The following MAST2 variants were observed in gnomAD, a reference collection of about 807,000 sequenced individuals.
MAST2 encodes microtubule-associated serine/threonine-protein kinase 2.
A neutral mutation model predicts 147.4 loss-of-function variants in MAST2; 70 were observed. That is an observed-to-expected ratio of 0.47 (90% CI 0.39 to 0.58). MAST2 has a LOEUF of 0.58. Among genes scored for constraint, MAST2 ranks in the 20% least tolerant of loss-of-function variants. The probability of loss-of-function intolerance (pLI) is 0.00; values close to 1 mark genes in which losing one functional copy is unlikely to be tolerated. For synonymous variants in MAST2, 869 were observed against 896.8 expected, an observed-to-expected ratio of 0.97 and a Z score of 0.55; for missense variants, 2,080 against 2,302.3, an observed-to-expected ratio of 0.90 and a Z score of 1.98.
At chr1:45,927,261 G>A (rs1303545163) in intron 4 of MAST2, among the ~76,000 whole-genome samples, 2 of 152,144 alleles carry the variant, frequency 1.3e-5, no homozygotes, top group African/African-American at 2.4e-5. Flanking sequence ...GAAATTTCGG[G>A]CACTATTGTC....
intron 5 of MAST2, among the ~76,000 whole-genome samples, chr1:45,974,182 A>G (rs1039274601): frequency 5.9e-5 from 9 of 152,184 alleles, no homozygotes; most frequent in African/African-American, 2.2e-4. Context: ...GTAAATAAGC[A>G]GTAGGTTAGC....
intron 1 of MAST2, among the ~76,000 whole-genome samples, chr1:45,808,972 A>G (rs1557790464): frequency 6.6e-6 from 1 of 152,148 alleles, no homozygotes; most frequent in Non-Finnish European, 1.5e-5. Flanking sequence ...CATGGCATAC[A>G]ATATTAAAAT....
chr1:46,013,853 G>A (rs999607736), intron 10 of MAST2, among the ~76,000 whole-genome samples: 4 of 152,118 alleles, frequency 2.6e-5, no homozygotes, highest in African/African-American at 4.8e-5. Flanking sequence ...TCTCGTGTGT[G>A]TGTATATGTG....
At chr1:45,962,001 A>G (rs901735749) in intron 5 of MAST2, among the ~76,000 whole-genome samples, 7 of 149,272 alleles carry the variant, frequency 4.7e-5, no homozygotes, top group African/African-American at 1.7e-4. Context: ...GTTCCCACCT[A>G]TGAGTGAGAA....
chr1:45,963,180 T>C (rs1448088915), intron 5 of MAST2, among the ~76,000 whole-genome samples: 2 of 152,204 alleles, frequency 1.3e-5, no homozygotes, highest in Non-Finnish European at 2.9e-5. Context: ...TGTAGTATAG[T>C]TTGAAGTCAG....
chr1:45,869,854 T>A (rs1187111936), intron 3 of MAST2, among the ~76,000 whole-genome samples: 2 of 152,234 alleles, frequency 1.3e-5, no homozygotes, highest in African/African-American at 4.8e-5. Context: ...TCCACCTTTT[T>A]TTAGCTCTCT....
intron 2 of MAST2, 46 bp from the exon 3 acceptor site, chr1:45,829,393 A>T (rs1264460916): frequency 4.6e-6 from 7 of 1,538,208 alleles, no homozygotes; most frequent in South Asian, 2.4e-5. Context: ...TCATTTGTTT[A>T]TCAATAAATA....
Position 45,811,485 on chromosome 1 carries a change from C to CCCA in MAST2, c.177+7421_177+7423dup, listed in dbSNP as rs1644297970. On this transcript the variant is annotated intron_variant, in intron 1 of 28. Coordinates refer to ENST00000361297, the MANE Select transcript of MAST2 (RefSeq NM_015112.3). ...TCTGGAGTAGCTGGGACTACAGGCG[C>CCCA]CCACCACCACGCTCGGCTAATTTTT... Among the ~76,000 whole-genome samples the CCCA allele has an allele frequency of 2.6e-5, 4 of 151,204 alleles. No individual in the cohort carries two copies. The South Asian group carries it at 8.3e-4, about 32-fold the overall frequency.
intron 10 of MAST2, among the ~76,000 whole-genome samples, chr1:46,017,163 T>C (rs9429176): frequency 0.66 from 100,427 of 151,962 alleles, 33,570 homozygotes; most frequent in Non-Finnish European, 0.71. Context: ...ACACCTTATA[T>C]AAAAATTAAT....
At chr1:45,907,532 A>G (rs1442207593) in intron 4 of MAST2, among the ~76,000 whole-genome samples, 1 of 148,858 alleles carries the variant, frequency 6.7e-6, no homozygotes, top group Non-Finnish European at 1.5e-5. Flanking sequence ...ATCTCAGCTC[A>G]CTGCAGCCTC....
At chr1:45,866,130 A>G (rs960246502) in intron 3 of MAST2, among the ~76,000 whole-genome samples, 4 of 152,364 alleles carry the variant, frequency 2.6e-5, no homozygotes, top group Admixed American at 1.3e-4. Context: ...AACTTAAAAT[A>G]TAAATTTAAA....
chr1:45,815,944 T>A (rs1015800196), intron 1 of MAST2, among the ~76,000 whole-genome samples: 1 of 152,200 alleles, frequency 6.6e-6, no homozygotes, highest in East Asian at 1.9e-4. Flanking sequence ...AACTAGTCCC[T>A]GCCACAGGAC....
intron 4 of MAST2, among the ~76,000 whole-genome samples, chr1:45,928,795 G>A (rs1020368599): frequency 1.3e-5 from 2 of 151,668 alleles, no homozygotes; most frequent in African/African-American, 4.8e-5. Context: ...TGCCCAGGCT[G>A]TACTGCAAAG....
chr1:45,901,598 A>G lies in MAST2; in HGVS notation c.500+19203A>G, dbSNP rs376570344. Among the ~76,000 whole-genome samples the G allele has an allele frequency of 6.6e-5, 10 of 152,130 alleles. No individual in the cohort carries two copies. The East Asian group carries it at 1.5e-3, about 23-fold the overall frequency. Reference sequence around the variant, plus strand: ...CAGTGTAGTCATTTTCACGATATTGATTCTTCCTATCCATGATCATAGGAT... The same window carrying G: ...CAGTGTAGTCATTTTCACGATATTGGTTCTTCCTATCCATGATCATAGGAT... On this transcript the variant is annotated intron_variant, in intron 4 of 28. Coordinates refer to ENST00000361297, the MANE Select transcript of MAST2 (RefSeq NM_015112.3).
intron 5 of MAST2, 27 bp from the exon 6 acceptor site, chr1:45,997,695 CAG>C (rs1168640178): frequency 8.2e-6 from 13 of 1,581,978 alleles, no homozygotes; most frequent in South Asian, 1.1e-5. Flanking sequence ...GCAAACCTCA[CAG>C]AGTTTTGTTT....
intron 3 of MAST2, among the ~76,000 whole-genome samples, chr1:45,861,432 ATC>A (rs1645978424): frequency 6.8e-6 from 1 of 147,728 alleles, no homozygotes; most frequent in African/African-American, 2.5e-5. Flanking sequence ...TTTTTTACTC[ATC>A]TCAAATTTGG....
intron 16 of MAST2, among the ~76,000 whole-genome samples, chr1:46,027,156 A>G (rs1646447581): frequency 1.3e-5 from 2 of 152,170 alleles, no homozygotes; most frequent in Admixed American, 6.5e-5. Context: ...AGCCAGAGGT[A>G]CTATTTGGGG....
chr1:45,933,289 T>A (rs1328192173), intron 4 of MAST2, among the ~76,000 whole-genome samples: 7 of 151,740 alleles, frequency 4.6e-5, no homozygotes, highest in African/African-American at 1.7e-4. Context: ...TGCCCATACT[T>A]AGGTTCACTG....
chr1:45,891,638 T>C (rs1647805097), intron 4 of MAST2, among the ~76,000 whole-genome samples: 1 of 152,172 alleles, frequency 6.6e-6, no homozygotes, highest in South Asian at 2.1e-4. Context: ...AACCTTTTTT[T>C]CTTTTTTAAC....
Sources: gnomAD v4.1 joint callset for allele counts (sites outside exome capture counted in the v4.1 genomes callset) on GRCh38, gnomAD v4.1.1 for gene constraint, MANE v1.5 for transcripts, NCBI Gene and HGNC (gene_info 2026-07-23, HGNC 2026-07-21) for gene names.